SYNCRIP: variants seen among roughly 807,000 people sequenced by gnomAD.
The protein encoded by SYNCRIP is heterogeneous nuclear ribonucleoprotein Q.
Under a neutral mutation model 68.9 loss-of-function variants are expected in SYNCRIP, and 9 were observed. The observed-to-expected ratio is 0.13, with a 90% CI of 0.08 to 0.23. SYNCRIP has a LOEUF of 0.23. Ranked by LOEUF, SYNCRIP falls within the 10% of genes least tolerant of loss-of-function variation. The probability of loss-of-function intolerance (pLI) is 1.00; values close to 1 mark genes in which losing one functional copy is unlikely to be tolerated. For synonymous variants in SYNCRIP, 258 were observed against 254.0 expected (o/e 1.02, Z -0.15); for missense variants, 414 against 770.6 (o/e 0.54, Z 5.48).
At chr6:85,638,009 C>T (rs1269524352) in intron 4 of SYNCRIP, among the ~76,000 whole-genome samples, 1 of 152,148 alleles carries the variant, frequency 6.6e-6, no homozygotes, top group Non-Finnish European at 1.5e-5. Flanking sequence ...CAAAAAGTAA[C>T]TGTTAAAATT....
Position 85,618,919 on chromosome 6 carries a change from G to C in SYNCRIP, c.1179C>G (p.Gly393=). ...GAVKAMEEMN[G]KDLEGENIEI... Reference sequence around the variant, plus strand: ...CAATATTTTCTCCCTCCAAGTCTTTGCCATTCATTTCTTCCATAGCCTTAA... The same window carrying C: ...CAATATTTTCTCCCTCCAAGTCTTTCCCATTCATTTCTTCCATAGCCTTAA... Residue 393 remains glycine (G), a synonymous_variant, in exon 10 of 11, where the codon GGC becomes GGG. Transcript: ENST00000369622. 4 of 1,611,560 alleles carry C rather than the reference G, an allele frequency of 2.5e-6. No individual in the cohort carries two copies. The highest frequency in any genetic ancestry group is 3.4e-6 in the Non-Finnish European group (4 of 1,178,872).
chr6:85,619,464 T>C (rs762774084), intron 8 of SYNCRIP, 47 bp from the exon 9 acceptor site: 3 of 1,551,568 alleles, frequency 1.9e-6, no homozygotes, highest in Admixed American at 3.9e-5. Context: ...AAGAGTTCCA[T>C]TTCTAAGATA....
chr6:85,640,397 T>G, intron 3 of SYNCRIP, 49 bp downstream of exon 3: 1 of 1,570,336 alleles, frequency 6.4e-7, no homozygotes, highest in Non-Finnish European at 8.7e-7. Flanking sequence ...CAGCAGATAG[T>G]ATCAAAACTA....
intron 10 of SYNCRIP, 55 bp from the exon 11 acceptor site, chr6:85,615,402 T>C (rs950990012): frequency 1.8e-5 from 22 of 1,192,256 alleles, no homozygotes; most frequent in African/African-American, 3.1e-5. Context: ...AGTTAACAAG[T>C]AGGCATTTAG....
chr6:85,640,484 G>T lies in SYNCRIP; in HGVS notation c.229C>A (p.Leu77Ile). 6.2e-7 allele frequency: 1 copy of T among 1,608,642 alleles called. No individual in the cohort carries two copies. The highest frequency in any genetic ancestry group is 8.5e-7 in the Non-Finnish European group (1 of 1,178,288). The change falls in exon 3 of 11, where the codon CTT (leucine) becomes ATT (isoleucine). Residue 77 changes from leucine to isoleucine, a missense_variant. Physicochemically the swap from Leu to Ile is conservative, Grantham distance 5 (BLOSUM62 2). Coordinates refer to ENST00000369622, the MANE Select transcript of SYNCRIP (RefSeq NM_006372.5). ...EFNEDGALAV[L>I]QQFKDSDLSH... ...AGATCACTGTCTTTAAACTGTTGAA[G>T]AACTGCCAATGCACCGTCTTCATTG...
intron 8 of SYNCRIP, among the ~76,000 whole-genome samples, chr6:85,620,056 G>A (rs1806215084): frequency 6.6e-6 from 1 of 152,134 alleles, no homozygotes; most frequent in Admixed American, 6.5e-5. Flanking sequence ...AGACCAGCCT[G>A]GCCAACACAG....
chr6:85,626,710 C>T (rs763812106), intron 6 of SYNCRIP, among the ~76,000 whole-genome samples: 2 of 152,198 alleles, frequency 1.3e-5, no homozygotes, highest in Non-Finnish European at 1.5e-5. Flanking sequence ...TAATCTGTAA[C>T]ATAGGCAACA....
intron 6 of SYNCRIP, among the ~76,000 whole-genome samples, chr6:85,625,380 G>GTT (rs747025938): frequency 9.9e-5 from 14 of 141,574 alleles, no homozygotes; most frequent in East Asian, 4.1e-4. Flanking sequence ...AACATACAGG[G>GTT]TTTTTTTTTT....
At chr6:85,623,950 A>C (rs1218017179) in intron 7 of SYNCRIP, 27 bp downstream of exon 7, 1 of 1,612,156 alleles carries the variant, frequency 6.2e-7, no homozygotes, top group South Asian at 1.1e-5. Flanking sequence ...TAAAAGCTGC[A>C]CCTCATTCCA....
At chr6:85,633,565 T>G (rs1319772991) in intron 6 of SYNCRIP, among the ~76,000 whole-genome samples, 1 of 152,168 alleles carries the variant, frequency 6.6e-6, no homozygotes, top group Non-Finnish European at 1.5e-5. Flanking sequence ...CACCCCAGCC[T>G]GGGCAACAGA....
intron 6 of SYNCRIP, among the ~76,000 whole-genome samples, chr6:85,630,929 G>A (rs1257745964): frequency 1.3e-5 from 2 of 152,120 alleles, no homozygotes; most frequent in Non-Finnish European, 2.9e-5. Context: ...ACTGTCATGG[G>A]GGCAACTGGG....
chr6:85,614,616 C>T lies in SYNCRIP; in HGVS notation c.*140G>A, dbSNP rs1805550583. On this transcript the variant is annotated 3_prime_UTR_variant, in exon 11 of 11. Coordinates refer to ENST00000369622, the MANE Select transcript of SYNCRIP (RefSeq NM_006372.5). Reference sequence around the variant, plus strand: ...AAGCAGTTAGAAGTGTGGCTTTGTTCGTGTCCAAGCGGATTGTTAAAATAT... The same window carrying T: ...AAGCAGTTAGAAGTGTGGCTTTGTTTGTGTCCAAGCGGATTGTTAAAATAT... 8.3e-6 allele frequency: 11 copies of T among 1,317,766 alleles called. No individual in the cohort carries two copies. Among genetic ancestry groups the T allele is most frequent in the South Asian group, 2.4e-5 (1 of 40,968 alleles). The allele number at this position is 1,317,766 out of a possible 1,614,324, so 81.6% of individuals were successfully genotyped here. A position where few individuals can be genotyped will look rare whatever the true frequency, so the allele number is the denominator to read the frequency against.
chr6:85,610,457 T>G (rs1243966325), downstream of SYNCRIP: 1 of 151,928 alleles, frequency 6.6e-6, no homozygotes, highest in Non-Finnish European at 1.5e-5. Context: ...CCCTCCCAAG[T>G]CCCCAAATTA....
At chr6:85,615,411 A>G in intron 10 of SYNCRIP, 64 bp from the exon 11 acceptor site, 1 of 1,105,552 alleles carries the variant, frequency 9.0e-7, no homozygotes, top group Non-Finnish European at 1.3e-6. Flanking sequence ...GTAGGCATTT[A>G]GCCATTTGTA....
intron 8 of SYNCRIP, 123 bp from the exon 9 acceptor site, chr6:85,619,540 A>AG: frequency 1.1e-6 from 1 of 918,456 alleles, no homozygotes; most frequent in Admixed American, 3.6e-5. Context: ...GAATATAAAA[A>AG]AAAAAAAAGT....
chr6:85,615,516 AG>A (rs763783450), intron 10 of SYNCRIP, among the ~76,000 whole-genome samples, 169 bp from the exon 11 acceptor site: 1 of 152,252 alleles, frequency 6.6e-6, no homozygotes, highest in Non-Finnish European at 1.5e-5. Context: ...TAATGATCAG[AG>A]GATCAGGATG....
At chr6:85,628,053 ATTTC>A (rs1186835305) in intron 6 of SYNCRIP, among the ~76,000 whole-genome samples, 1 of 151,492 alleles carries the variant, frequency 6.6e-6, no homozygotes, top group Non-Finnish European at 1.5e-5. Flanking sequence ...CACATTGAAG[ATTTC>A]TTTTTTTTTT....
chr6:85,633,505 C>T (rs1165763051), intron 6 of SYNCRIP, among the ~76,000 whole-genome samples: 1 of 151,342 alleles, frequency 6.6e-6, no homozygotes, highest in Admixed American at 6.6e-5. Context: ...ACAGAAGAAT[C>T]ACTTGAACCC....
At chr6:85,629,917 G>A (rs550725899) in intron 6 of SYNCRIP, among the ~76,000 whole-genome samples, 1 of 151,750 alleles carries the variant, frequency 6.6e-6, no homozygotes, top group South Asian at 2.1e-4. Context: ...CCAGGAGACA[G>A]AGGTTGCAGT....
Sources: gnomAD v4.1 joint callset for allele counts (sites outside exome capture counted in the v4.1 genomes callset) on GRCh38, gnomAD v4.1.1 for gene constraint, MANE v1.5 for transcripts, NCBI Gene and HGNC (gene_info 2026-07-23, HGNC 2026-07-21) for gene names.